Variants in SLCO3A1 observed in about 807,000 individuals in gnomAD.
The protein encoded by SLCO3A1 is solute carrier organic anion transporter family member 3A1, also known as PGE1 transporter.
A neutral mutation model predicts 63.1 loss-of-function variants in SLCO3A1; 27 were observed. The observed-to-expected ratio is 0.43, with a 90% CI of 0.32 to 0.59. The LOEUF (loss-of-function observed/expected upper bound fraction) is 0.59, where lower values mean the gene tolerates loss of function less well. SLCO3A1 is among the 20% of genes least tolerant of loss of function. The pLI is 0.09. For synonymous variants in SLCO3A1, 473 were observed against 409.9 expected, an observed-to-expected ratio of 1.15 and a Z score of -1.86; for missense variants, 773 against 945.8, an observed-to-expected ratio of 0.82 and a Z score of 2.40.
intron 2 of SLCO3A1, among the ~76,000 whole-genome samples, chr15:92,034,355 T>TA (rs1302942323): frequency 1.7e-4 from 15 of 87,346 alleles, no homozygotes; most frequent in Non-Finnish European, 3.2e-4. Flanking sequence ...CAGGCTGGGG[T>TA]GGGGTGTTTG....
At chr15:92,148,576 A>G (rs1290629365) in intron 8 of SLCO3A1, among the ~76,000 whole-genome samples, 1 of 152,234 alleles carries the variant, frequency 6.6e-6, no homozygotes, top group Non-Finnish European at 1.5e-5. Flanking sequence ...GGCAAAACTG[A>G]CAAAATCACA....
At chr15:92,038,821 G>A (rs1285898477) in intron 2 of SLCO3A1, among the ~76,000 whole-genome samples, 1 of 152,122 alleles carries the variant, frequency 6.6e-6, no homozygotes, top group Non-Finnish European at 1.5e-5. Flanking sequence ...AAAGAACAAA[G>A]CTGGATAAAT....
chr15:91,919,878 ATAAT>A (rs1355745666), intron 2 of SLCO3A1, among the ~76,000 whole-genome samples: 3 of 152,176 alleles, frequency 2.0e-5, no homozygotes, highest in African/African-American at 7.2e-5. Context: ...TAGAAAAAGA[ATAAT>A]TAGAGAATAT....
intron 4 of SLCO3A1, among the ~76,000 whole-genome samples, chr15:92,116,237 C>T (rs1025384577): frequency 4.6e-5 from 7 of 152,166 alleles, no homozygotes; most frequent in African/African-American, 2.4e-5. Context: ...GCTCTGTCAA[C>T]GTTAGTTTTC....
chr15:91,948,354 G>A lies in SLCO3A1; in HGVS notation c.646+31896G>A, dbSNP rs369452266. Among the ~76,000 whole-genome samples the A allele has an allele frequency of 4.6e-5, 7 of 152,332 alleles. No homozygotes were observed. The South Asian group carries it at 1.2e-3, about 27-fold the overall frequency. On this transcript the variant is annotated intron_variant, in intron 2 of 9. Coordinates refer to ENST00000318445, the MANE Select transcript of SLCO3A1 (RefSeq NM_013272.4). The surrounding 1 kb of genome is among the most constrained non-coding windows in gnomAD (Gnocchi z 4.8). The stretch of plus-strand genomic sequence containing the variant: ...TAGAAGGGCTTCCAGAGCTCGAGCT[G>A]TTGCCAAGTTTAGAAGTGGCCGCAT...
At chr15:92,161,605 T>C (rs923147432) in intron 9 of SLCO3A1, 2 of 152,244 alleles carry the variant, frequency 1.3e-5, no homozygotes, top group Non-Finnish European at 2.9e-5. Context: ...TCAGTATATA[T>C]GCAGATATTT....
At chr15:92,041,003 A>G (rs2046790278) in intron 2 of SLCO3A1, among the ~76,000 whole-genome samples, 1 of 151,976 alleles carries the variant, frequency 6.6e-6, no homozygotes, top group Non-Finnish European at 1.5e-5. Context: ...TGTGGCCTGG[A>G]CCCATCTGAC....
intron 9 of SLCO3A1, among the ~76,000 whole-genome samples, chr15:92,153,932 T>C (rs2048339815): frequency 6.6e-6 from 1 of 152,180 alleles, no homozygotes; most frequent in Admixed American, 6.5e-5. Context: ...GCTTCTGCCC[T>C]GTTGCTGCAT....
At chr15:92,154,477 A>G (rs1012214112) in intron 9 of SLCO3A1, among the ~76,000 whole-genome samples, 4 of 152,184 alleles carry the variant, frequency 2.6e-5, no homozygotes, top group Admixed American at 1.3e-4. Context: ...TAGTTTTCAC[A>G]TAAGTAGGTG....
At chr15:91,945,027 C>T (rs966994160) in intron 2 of SLCO3A1, among the ~76,000 whole-genome samples, 1 of 152,112 alleles carries the variant, frequency 6.6e-6, no homozygotes, top group African/African-American at 2.4e-5. Flanking sequence ...CTGTATATTC[C>T]CTTTATTCAC....
chr15:92,051,474 G>C (rs928328997), intron 2 of SLCO3A1, among the ~76,000 whole-genome samples: 1 of 152,192 alleles, frequency 6.6e-6, no homozygotes, highest in Non-Finnish European at 1.5e-5. Context: ...TCATGGATTT[G>C]CTCAATGGAA....
In SLCO3A1 at chr15:91,954,371, C is replaced by T. The variant is rs1465419639; in HGVS notation, c.646+37913C>T. ...CTGCAGGACGGGCACTGTGCTGAGC[C>T]TCAGCCAGGCGGAGACGGGCGGGTA... On this transcript the variant is annotated intron_variant, in intron 2 of 9. Transcript: ENST00000318445. The surrounding 1 kb of genome is among the most constrained non-coding windows in gnomAD (Gnocchi z 4.7). 6.6e-6 allele frequency among the ~76,000 whole-genome samples: 1 copy of T among 152,232 alleles called. No individual in the cohort carries two copies. Among genetic ancestry groups the T allele is most frequent in the African/African-American group, 2.4e-5 (1 of 41,448 alleles).
chr15:91,962,583 C>T (rs1411392111), intron 2 of SLCO3A1, among the ~76,000 whole-genome samples: 1 of 149,934 alleles, frequency 6.7e-6, no homozygotes, highest in Admixed American at 6.6e-5. Context: ...AGACTTGGTG[C>T]TGAGGAGGGA....
intron 10 of SLCO3A1, chr15:92,171,721 G>A (rs2048522408): frequency 2.5e-6 from 3 of 1,220,212 alleles, no homozygotes; most frequent in African/African-American, 1.5e-5. Context: ...AACAGTAGGT[G>A]AAGCAGAAAA....
At chr15:92,167,117 G>A (rs940114467), downstream of SLCO3A1, among the ~76,000 whole-genome samples, 1 of 152,194 alleles carries the variant, frequency 6.6e-6, no homozygotes, top group Non-Finnish European at 1.5e-5. Flanking sequence ...TTAGATGAGG[G>A]AAGAAACCAT....
intron 1 of SLCO3A1, among the ~76,000 whole-genome samples, chr15:91,898,366 C>T (rs976156473): frequency 2.0e-5 from 3 of 152,228 alleles, no homozygotes; most frequent in African/African-American, 7.2e-5. Flanking sequence ...CTGTATTAGA[C>T]TTGCTTGTCT....
intron 9 of SLCO3A1, among the ~76,000 whole-genome samples, chr15:92,151,510 G>A (rs767966891): frequency 1.3e-5 from 2 of 152,132 alleles, no homozygotes; most frequent in African/African-American, 4.8e-5. Flanking sequence ...TAGGGCCCAC[G>A]TTTCCAGATT....
At chr15:91,889,873 A>G (rs1417296534) in intron 1 of SLCO3A1, among the ~76,000 whole-genome samples, 1 of 150,992 alleles carries the variant, frequency 6.6e-6, no homozygotes, top group Non-Finnish European at 1.5e-5. Flanking sequence ...ATTTAAGACT[A>G]ACCTACTTTA....
chr15:92,067,731 G>A lies in SLCO3A1; in HGVS notation c.647-27150G>A, dbSNP rs777269877. ...GTGGTTTCCCTTGTAGCTACTAGCCGGCTTGGAAGGAATCACACCTATGTT... is the reference window on the plus strand; with the variant it reads ...GTGGTTTCCCTTGTAGCTACTAGCCAGCTTGGAAGGAATCACACCTATGTT... On this transcript the variant is annotated intron_variant, in intron 2 of 9. Transcript: ENST00000318445. Among the ~76,000 whole-genome samples, 8 of 152,180 alleles carry A rather than the reference G, an allele frequency of 5.3e-5. No individual in the cohort carries two copies. In the South Asian group the frequency reaches 6.2e-4, roughly 12 times the overall value.
Sources: allele counts gnomAD v4.1 joint callset (sites outside exome capture counted in the v4.1 genomes callset), GRCh38; gene constraint gnomAD v4.1.1; non-coding constraint Gnocchi (gnomAD v3.1); transcripts MANE v1.5; gene names NCBI Gene and HGNC (gene_info 2026-07-23, HGNC 2026-07-21).